Variants in DSCAM observed in about 807,000 individuals in gnomAD.
DSCAM encodes the protein DS cell adhesion molecule, also known as cell adhesion molecule DSCAM.
DSCAM carries 47 observed loss-of-function variants against 217.7 expected under a neutral mutation model. The ratio of observed to expected loss-of-function variants is 0.22; its 90% CI spans 0.17 to 0.28. DSCAM has a LOEUF of 0.28. Among genes scored for constraint, DSCAM ranks in the 10% least tolerant of loss-of-function variants. The probability of loss-of-function intolerance (pLI) is 1.00; values close to 1 mark genes in which losing one functional copy is unlikely to be tolerated. For missense variants in DSCAM, 2,080 were observed against 2,618.3 expected, an observed-to-expected ratio of 0.79 and a Z score of 4.49; for synonymous variants, 1,056 against 1,015.3, an observed-to-expected ratio of 1.04 and a Z score of -0.76.
intron 3 of DSCAM, among the ~76,000 whole-genome samples, chr21:40,690,455 G>A (rs1225335491): frequency 6.6e-6 from 1 of 152,150 alleles, no homozygotes; most frequent in Non-Finnish European, 1.5e-5. Context: ...TCTTACTGAT[G>A]TATTCCTTAA....
chr21:40,428,394 C>T (rs1378525900), intron 3 of DSCAM, among the ~76,000 whole-genome samples: 1 of 151,814 alleles, frequency 6.6e-6, no homozygotes, highest in East Asian at 1.9e-4. Context: ...CCTCAGCCTC[C>T]AGAGTAACTG....
chr21:40,441,909 T>C (rs2075633792), intron 3 of DSCAM, among the ~76,000 whole-genome samples: 1 of 152,226 alleles, frequency 6.6e-6, no homozygotes, highest in Admixed American at 6.5e-5. Context: ...ATTCTTCCAC[T>C]GCTCTTTTTC....
chr21:40,236,100 C>A (rs1172885768), intron 11 of DSCAM, among the ~76,000 whole-genome samples: 1 of 152,080 alleles, frequency 6.6e-6, no homozygotes, highest in South Asian at 2.1e-4. Context: ...TTGTTTCTGC[C>A]GATGCAGCTG....
At chr21:40,454,027 A>C (rs1047193862) in intron 3 of DSCAM, among the ~76,000 whole-genome samples, 2 of 152,232 alleles carry the variant, frequency 1.3e-5, no homozygotes, top group Admixed American at 1.3e-4. Flanking sequence ...CTGCCTAGGT[A>C]GGATAAAGAA....
chr21:40,752,190 T>C (rs934195709), intron 1 of DSCAM, among the ~76,000 whole-genome samples: 1 of 152,228 alleles, frequency 6.6e-6, no homozygotes, highest in Non-Finnish European at 1.5e-5. Context: ...TGTGAAGCTT[T>C]GTATCCAGAA....
At chr21:40,579,304 A>G (rs1269863962) in intron 3 of DSCAM, among the ~76,000 whole-genome samples, 1 of 152,162 alleles carries the variant, frequency 6.6e-6, no homozygotes, top group Non-Finnish European at 1.5e-5. Flanking sequence ...ACTTCAGAGT[A>G]GACACAGAAG....
At chr21:40,536,128 G>A (rs1448027318) in intron 3 of DSCAM, among the ~76,000 whole-genome samples, 6 of 152,160 alleles carry the variant, frequency 3.9e-5, no homozygotes, top group East Asian at 3.9e-4. Flanking sequence ...GCAAATGTGC[G>A]AAAAACAATG....
chr21:40,142,776 C>A, intron 17 of DSCAM, 72 bp from the exon 18 acceptor site: 11 of 1,499,922 alleles, frequency 7.3e-6, no homozygotes, highest in South Asian at 2.7e-5. Context: ...GAAAAAGCAA[C>A]GTATTTTAAT....
intron 1 of DSCAM, among the ~76,000 whole-genome samples, chr21:40,827,257 G>A (rs2091976174): frequency 6.6e-6 from 1 of 151,974 alleles, no homozygotes. Flanking sequence ...GCCCATGTGT[G>A]GTGGCTCATG....
intron 32 of DSCAM, among the ~76,000 whole-genome samples, chr21:40,023,443 C>T (rs1291170634): frequency 6.6e-6 from 1 of 151,178 alleles, no homozygotes; most frequent in Non-Finnish European, 1.5e-5. Context: ...GGAATCGCCA[C>T]ACTGACTTCC....
chr21:40,169,932 C>T (rs1192186671), intron 15 of DSCAM, among the ~76,000 whole-genome samples: 1 of 152,084 alleles, frequency 6.6e-6, no homozygotes, highest in African/African-American at 2.4e-5. Flanking sequence ...CACTTCTATG[C>T]CTGGTGACAG....
chr21:40,220,178 G>A (rs570790979), intron 11 of DSCAM, among the ~76,000 whole-genome samples: 2 of 152,310 alleles, frequency 1.3e-5, no homozygotes, highest in Admixed American at 1.3e-4. Context: ...TGGGGTCCTG[G>A]AAGCAGGCTT....
intron 11 of DSCAM, among the ~76,000 whole-genome samples, chr21:40,200,217 T>C (rs7276160): frequency 0.092 from 14,052 of 152,110 alleles, 1,752 homozygotes; most frequent in African/African-American, 0.29. Context: ...GGCACATTGC[T>C]GTACAGCCTT....
At chr21:40,176,301 G>T (rs1024753411) in intron 15 of DSCAM, among the ~76,000 whole-genome samples, 1 of 152,092 alleles carries the variant, frequency 6.6e-6, no homozygotes, top group African/African-American at 2.4e-5. Flanking sequence ...GAGTCACTAA[G>T]TGTCATTGCA....
At chr21:40,428,833 TACACAC>T (rs35691309) in intron 3 of DSCAM, among the ~76,000 whole-genome samples, 1 of 149,082 alleles carries the variant, frequency 6.7e-6, no homozygotes, top group Non-Finnish European at 1.5e-5. Flanking sequence ...AGCGACCTAA[TACACAC>T]ACACACACAC....
At chr21:40,088,551 G>GT (rs2089563666) in intron 21 of DSCAM, among the ~76,000 whole-genome samples, 1 of 152,162 alleles carries the variant, frequency 6.6e-6, no homozygotes, top group South Asian at 2.1e-4. Flanking sequence ...GCTGGACCTT[G>GT]TTTTTTGTTG....
At chr21:40,037,706 C>G (rs1412810300) in intron 32 of DSCAM, among the ~76,000 whole-genome samples, 1 of 147,924 alleles carries the variant, frequency 6.8e-6, no homozygotes, top group African/African-American at 2.5e-5. Context: ...CCCGCATTGC[C>G]AAGGCAATCC....
At chr21:40,762,504 C>T (rs911797513) in intron 1 of DSCAM, among the ~76,000 whole-genome samples, 9 of 152,080 alleles carry the variant, frequency 5.9e-5, no homozygotes, top group African/African-American at 1.7e-4. Flanking sequence ...CAGGACCAGA[C>T]GGATTCACAG....
intron 3 of DSCAM, among the ~76,000 whole-genome samples, chr21:40,376,805 A>C (rs1366609948): frequency 6.6e-6 from 1 of 151,578 alleles, no homozygotes; most frequent in Non-Finnish European, 1.5e-5. Flanking sequence ...GCCAGATAAA[A>C]ATATGCACAT....
Sources: allele counts gnomAD v4.1 joint callset (sites outside exome capture counted in the v4.1 genomes callset), GRCh38; gene constraint gnomAD v4.1.1; transcripts MANE v1.5; gene names NCBI Gene and HGNC (gene_info 2026-07-23, HGNC 2026-07-21).